The following PPP2R5E variants were observed in gnomAD, a reference collection of about 807,000 sequenced individuals.
The protein encoded by PPP2R5E is serine/threonine-protein phosphatase 2A 56 kDa regulatory subunit epsilon isoform.
In PPP2R5E, 4 loss-of-function variants were observed where a neutral mutation model predicts 65.3. The ratio of observed to expected loss-of-function variants is 0.06; its 90% CI spans 0.03 to 0.14. PPP2R5E has a LOEUF of 0.14. Ranked by LOEUF, PPP2R5E falls within the 10% of genes least tolerant of loss-of-function variation. The pLI is 1.00. For missense variants in PPP2R5E, 274 were observed against 556.1 expected (o/e 0.49, Z 5.10); for synonymous variants, 183 against 187.4 (o/e 0.98, Z 0.19).
rs534487587 is a variant in PPP2R5E, at chr14:63,465,587, C to G, written c.158-11702G>C. ...GCTGCCGTGAGCCGTGATTGCACCA[C>G]TGCGCTCCAGCCTCGGTGACACGGT... On this transcript the variant is annotated intron_variant, in intron 2 of 13. Coordinates refer to ENST00000337537, the MANE Select transcript of PPP2R5E (RefSeq NM_006246.5). 2.6e-5 allele frequency among the ~76,000 whole-genome samples: 4 copies of G among 152,284 alleles called. No homozygotes were observed. In the East Asian group the frequency reaches 7.7e-4, roughly 29 times the overall value.
chr14:63,385,710 G>A (rs902681620), intron 11 of PPP2R5E, among the ~76,000 whole-genome samples: 7 of 152,122 alleles, frequency 4.6e-5, no homozygotes, highest in South Asian at 4.1e-4. Context: ...CATTTTACAG[G>A]TGAGGACACA....
At chr14:63,380,273 GTTTT>G (rs1177540239) in intron 13 of PPP2R5E, among the ~76,000 whole-genome samples, 1 of 152,038 alleles carries the variant, frequency 6.6e-6, no homozygotes, top group Non-Finnish European at 1.5e-5. Context: ...ACCCTTGGCC[GTTTT>G]TTTAAGTAAC....
rs1566656966 is a variant in PPP2R5E, at chr14:63,374,630, A to G, written c.*1379T>C. 1.6e-5 allele frequency: 1 copy of G among 60,912 alleles called. No homozygotes were observed. The highest frequency in any genetic ancestry group is 2.5e-5 in the Non-Finnish European group (1 of 39,858). 3.8% of individuals were successfully genotyped at this position (60,912 alleles called of 1,614,324 possible). A position where few individuals can be genotyped will look rare whatever the true frequency, so the allele number is the denominator to read the frequency against. ...CATTTAAATACAAAGCAGAGAGCCAATAAGATATATATATATATATATATA... is the reference window on the plus strand; with the variant it reads ...CATTTAAATACAAAGCAGAGAGCCAGTAAGATATATATATATATATATATA... On this transcript the variant is annotated 3_prime_UTR_variant, in exon 14 of 14. Coordinates refer to ENST00000337537, the MANE Select transcript of PPP2R5E (RefSeq NM_006246.5).
At chr14:63,399,903 T>G (rs1885646815) in intron 5 of PPP2R5E, among the ~76,000 whole-genome samples, 1 of 152,144 alleles carries the variant, frequency 6.6e-6, no homozygotes, top group East Asian at 1.9e-4. Context: ...GACATGAGGT[T>G]GACACTGACA....
chr14:63,538,019 G>T (rs963308365), intron 2 of PPP2R5E, among the ~76,000 whole-genome samples: 3 of 152,150 alleles, frequency 2.0e-5, no homozygotes, highest in Non-Finnish European at 2.9e-5. Flanking sequence ...TATTAAAAAC[G>T]TGTTGGGCCG....
intron 2 of PPP2R5E, among the ~76,000 whole-genome samples, chr14:63,527,561 G>C (rs983948402): frequency 6.6e-6 from 1 of 152,126 alleles, no homozygotes; most frequent in African/African-American, 2.4e-5. Context: ...TGTTTTACCT[G>C]CCTTCTGGAA....
intron 2 of PPP2R5E, among the ~76,000 whole-genome samples, chr14:63,479,105 G>A (rs1890562996): frequency 6.6e-6 from 1 of 151,930 alleles, no homozygotes; most frequent in African/African-American, 2.4e-5. Flanking sequence ...CTCCAACATG[G>A]GTGACAGAGT....
intron 3 of PPP2R5E, among the ~76,000 whole-genome samples, chr14:63,430,400 T>C (rs942410618): frequency 1.3e-4 from 18 of 141,754 alleles, no homozygotes; most frequent in Non-Finnish European, 2.1e-4. Flanking sequence ...CATACATACA[T>C]GCATACATAC....
intron 4 of PPP2R5E, 88 bp downstream of exon 4, chr14:63,421,905 G>A: frequency 1.0e-6 from 1 of 978,698 alleles, no homozygotes; most frequent in East Asian, 2.5e-5. Context: ...TGATTTCTTG[G>A]TGAATAAAGC....
intron 1 of PPP2R5E, among the ~76,000 whole-genome samples, chr14:63,541,596 G>C (rs1312142099): frequency 1.3e-5 from 2 of 152,142 alleles, no homozygotes; most frequent in Non-Finnish European, 2.9e-5. Flanking sequence ...ATGCATATGG[G>C]GGAAATGCTG....
At chr14:63,537,684 A>G (rs960048455) in intron 2 of PPP2R5E, among the ~76,000 whole-genome samples, 1 of 152,172 alleles carries the variant, frequency 6.6e-6, no homozygotes, top group Non-Finnish European at 1.5e-5. Context: ...TTTTTCTTAT[A>G]ATACCTTCTG....
intron 12 of PPP2R5E, among the ~76,000 whole-genome samples, chr14:63,383,730 T>C (rs949054502): frequency 2.0e-5 from 3 of 152,140 alleles, no homozygotes; most frequent in Non-Finnish European, 4.4e-5. Context: ...CAGAGAAAAA[T>C]GTAAAGGCAT....
intron 2 of PPP2R5E, among the ~76,000 whole-genome samples, chr14:63,522,093 G>A (rs753316635): frequency 7.3e-5 from 11 of 151,692 alleles, no homozygotes; most frequent in South Asian, 2.1e-4. Flanking sequence ...GCAGGCACGC[G>A]CCGCCACGCC....
chr14:63,435,601 G>A (rs1406147668), intron 3 of PPP2R5E, among the ~76,000 whole-genome samples: 1 of 152,110 alleles, frequency 6.6e-6, no homozygotes, highest in Non-Finnish European at 1.5e-5. Context: ...ACAACTCCCT[G>A]CTCGCCATCT....
intron 2 of PPP2R5E, among the ~76,000 whole-genome samples, chr14:63,493,174 T>C (rs1891365841): frequency 6.6e-6 from 1 of 151,698 alleles, no homozygotes; most frequent in Non-Finnish European, 1.5e-5. Flanking sequence ...CTGTTGATAG[T>C]CAGGCCCAGA....
chr14:63,387,336 C>A (rs986290428), intron 11 of PPP2R5E, among the ~76,000 whole-genome samples: 1 of 152,140 alleles, frequency 6.6e-6, no homozygotes, highest in Non-Finnish European at 1.5e-5. Context: ...TGTATCCAGC[C>A]CCTTAAAGAG....
chr14:63,445,382 A>T (rs186421922), intron 3 of PPP2R5E, among the ~76,000 whole-genome samples: 1 of 152,252 alleles, frequency 6.6e-6, no homozygotes, highest in Admixed American at 6.5e-5. Flanking sequence ...AAAAATGGAT[A>T]TACCTTAAAA....
chr14:63,447,082 G>GT, intron 3 of PPP2R5E, among the ~76,000 whole-genome samples: 1 of 152,280 alleles, frequency 6.6e-6, no homozygotes, highest in South Asian at 2.1e-4. Context: ...ATTTAGCATG[G>GT]TTGTTAGACG....
At chr14:63,481,369 A>G (rs1035865566) in intron 2 of PPP2R5E, among the ~76,000 whole-genome samples, 1 of 151,792 alleles carries the variant, frequency 6.6e-6, no homozygotes, top group African/African-American at 2.4e-5. Flanking sequence ...GGTAGCGTGC[A>G]CCTGTAATCC....
Sources: gnomAD v4.1 joint callset for allele counts (sites outside exome capture counted in the v4.1 genomes callset) on GRCh38, gnomAD v4.1.1 for gene constraint, MANE v1.5 for transcripts, NCBI Gene and HGNC (gene_info 2026-07-23, HGNC 2026-07-21) for gene names.